NNT: variants seen among roughly 807,000 people sequenced by gnomAD.
NNT encodes the protein NAD(P) transhydrogenase, mitochondrial.
Under a neutral mutation model 104.8 loss-of-function variants are expected in NNT, and 50 were observed. The ratio of observed to expected loss-of-function variants is 0.48; its 90% CI spans 0.38 to 0.60. The LOEUF (loss-of-function observed/expected upper bound fraction) is 0.60. NNT is among the 20% of genes least tolerant of loss of function. NNT has a pLI of 0.00. For missense variants in NNT, 1,131 were observed against 1,330.7 expected, an observed-to-expected ratio of 0.85 and a Z score of 2.33; for synonymous variants, 461 against 490.4, an observed-to-expected ratio of 0.94 and a Z score of 0.79.
chr5:43,608,894 T>A (rs748050826), intron 1 of NNT, among the ~76,000 whole-genome samples: 2 of 152,246 alleles, frequency 1.3e-5, no homozygotes, highest in Non-Finnish European at 2.9e-5. Context: ...GGCTTGGAAT[T>A]GAATAGTGAG....
chr5:43,646,846 T>C (rs967983246), intron 10 of NNT, among the ~76,000 whole-genome samples: 17 of 152,172 alleles, frequency 1.1e-4, no homozygotes, highest in African/African-American at 4.1e-4. Context: ...TAGATCTCTT[T>C]CTTTGTAATT....
intron 18 of NNT, among the ~76,000 whole-genome samples, 175 bp from the exon 19 acceptor site, chr5:43,677,550 C>A (rs1741485052): frequency 6.6e-6 from 1 of 152,090 alleles, no homozygotes; most frequent in Non-Finnish European, 1.5e-5. Context: ...TTTTCAATTT[C>A]AAATTTAGGG....
chr5:43,647,840 A>C, intron 10 of NNT: 1 of 452,944 alleles, frequency 2.2e-6, no homozygotes. Context: ...ACTCCTAGGC[A>C]TTGTGCTAAA....
chr5:43,691,064 T>TGA (rs377384780), intron 19 of NNT, among the ~76,000 whole-genome samples: 1,921 of 144,804 alleles, frequency 0.013, 22 homozygotes, highest in South Asian at 0.034. Context: ...AGAATTTTTT[T>TGA]GAGAGAGTGT....
intron 17 of NNT, among the ~76,000 whole-genome samples, chr5:43,664,005 C>T (rs561004939): frequency 1.3e-5 from 2 of 152,214 alleles, no homozygotes; most frequent in East Asian, 3.9e-4. Flanking sequence ...TTGAAGGAAA[C>T]ACACAAGTCC....
intron 7 of NNT, among the ~76,000 whole-genome samples, chr5:43,638,288 T>C (rs1440138196): frequency 6.6e-6 from 1 of 152,122 alleles, no homozygotes; most frequent in African/African-American, 2.4e-5. Flanking sequence ...CAGCGTGAGA[T>C]CAGACTAATA....
At chr5:43,604,578 C>T (rs1262526752) in intron 1 of NNT, among the ~76,000 whole-genome samples, 2 of 152,134 alleles carry the variant, frequency 1.3e-5, no homozygotes, top group African/African-American at 4.8e-5. Context: ...TACTGACTTC[C>T]TCTGTGTTGT....
rs1194374318 is a variant in NNT at position 43,650,567 on chromosome 5, T to C, written c.1697T>C (p.Ile566Thr). Residue 566 changes from isoleucine to threonine, a missense_variant, in exon 12 of 22, where the codon ATA becomes ACA. Ile to Thr is a moderately conservative substitution (Grantham distance 89). Transcript: ENST00000344920. ...GGCCTTGCTGCTCTTGCTGCATTCA[T>C]ATCCTCTGTCAACATTGCAGGTATG... ...SQGLAALAAFISSVNIAGGFL... is the reference protein window; with the variant it reads ...SQGLAALAAFTSSVNIAGGFL... 5 of 1,613,896 alleles carry C rather than the reference T, an allele frequency of 3.1e-6. No homozygotes were observed. The highest frequency in any genetic ancestry group is 4.2e-6 in the Non-Finnish European group (5 of 1,179,762).
At chr5:43,670,689 G>A (rs1415886234) in intron 17 of NNT, among the ~76,000 whole-genome samples, 1 of 152,166 alleles carries the variant, frequency 6.6e-6, no homozygotes, top group East Asian at 1.9e-4. Flanking sequence ...GCTGAGGAGT[G>A]CTTTACTTGC....
intron 14 of NNT, among the ~76,000 whole-genome samples, chr5:43,654,994 A>G (rs1321920666): frequency 6.6e-6 from 1 of 152,210 alleles, no homozygotes; most frequent in Non-Finnish European, 1.5e-5. Context: ...ACCTATAGCC[A>G]TGCAGTTCCT....
intron 12 of NNT, 150 bp downstream of exon 12, chr5:43,650,737 C>A (rs1322342170): frequency 1.7e-6 from 1 of 579,556 alleles, no homozygotes; most frequent in Non-Finnish European, 3.0e-6. Flanking sequence ...AGTTATTTTG[C>A]CCATCTGTAA....
intron 16 of NNT, 25 bp downstream of exon 16, chr5:43,656,838 A>G (rs769111652): frequency 6.3e-7 from 1 of 1,591,228 alleles, no homozygotes; most frequent in Admixed American, 1.8e-5. Flanking sequence ...ATTGAAAAGT[A>G]CATATTTGGT....
At position 43,624,228 on chromosome 5, in the gene NNT, T is replaced by TATA. The variant is rs560392930; in HGVS notation, c.776+110_776+112dup. The TATA allele has an allele frequency of 3.1e-4, 272 of 887,038 alleles. 3 individuals are homozygous for TATA. In the Admixed American group the frequency reaches 4.7e-3, roughly 15 times the overall value. 54.9% of individuals were successfully genotyped at this position (887,038 alleles called of 1,614,324 possible). On this transcript the variant is annotated intron_variant, in intron 6 of 21. Coordinates refer to ENST00000344920, the MANE Select transcript of NNT (RefSeq NM_182977.3). ...TTGAAGTAGCACATTGCAACTGGTC[T>TATA]ATAAGCTCTTTCCATTTAAAAATGT... is the stretch of plus-strand genomic sequence containing the variant.
At chr5:43,633,898 C>T (rs1750808725) in intron 7 of NNT, among the ~76,000 whole-genome samples, 1 of 147,048 alleles carries the variant, frequency 6.8e-6, no homozygotes, top group Non-Finnish European at 1.5e-5. Context: ...GCCCAGTCTG[C>T]AGTTTGAGGT....
Position 43,677,731 on chromosome 5 carries a change from G to A in NNT, c.2801G>A (p.Gly934Asp). 2 of 1,613,312 alleles carry A rather than the reference G, an allele frequency of 1.2e-6. No individual in the cohort carries two copies. Among genetic ancestry groups the A allele is most frequent in the Non-Finnish European group, 1.7e-6 (2 of 1,179,418 alleles). ...ANSIIITPGY[G>D]LCAAKAQYPI... ...TTCTTAATGTTCCTTGCAGGCTATG[G>A]TCTCTGTGCAGCCAAAGCTCAATAC... Residue 934 changes from glycine (G) to aspartate (D), a missense_variant, in exon 19 of 22, where the codon GGT (glycine) becomes GAT (aspartate). Gly to Asp is a moderately conservative substitution (Grantham distance 94, BLOSUM62 -1). Transcript: ENST00000344920.
Position 43,619,112 on chromosome 5 carries a change from C to T in NNT, c.680C>T (p.Pro227Leu), listed in dbSNP as rs1749936768. 1 of 1,537,340 alleles carries T rather than the reference C, an allele frequency of 6.5e-7. No homozygotes were observed. The highest frequency in any genetic ancestry group is 8.8e-7 in the Non-Finnish European group (1 of 1,139,570). ...GQITAAGKVPPAKILIVGGGV... is the reference protein window; with the variant it reads ...GQITAAGKVPLAKILIVGGGV... ...ATCACAGCTGCTGGAAAAGTTCCTC[C>T]AGCTAAGGTAGGTACAACTTTTAAT... Residue 227 changes from proline to leucine, a missense_variant, in exon 5 of 22, where the codon CCA (proline) becomes CTA (leucine). Pro to Leu is a moderately conservative substitution (Grantham distance 98). Transcript: ENST00000344920.
At chr5:43,651,271 A>T (rs1739743839) in intron 12 of NNT, among the ~76,000 whole-genome samples, 1 of 152,172 alleles carries the variant, frequency 6.6e-6, no homozygotes, top group Non-Finnish European at 1.5e-5. Flanking sequence ...AACTGGCTTG[A>T]GTAATAGAAT....
Position 43,635,366 on chromosome 5 carries a change from T to G in NNT, c.964+6979T>G, listed in dbSNP as rs572770584. On this transcript the variant is annotated intron_variant, in intron 7 of 21. Transcript: ENST00000344920. ...GGACTGTCTCTATTTAAGCCAGCTA[T>G]AGGGAAAGTGGGATGGAGGAGTGTG... Among the ~76,000 whole-genome samples the G allele has an allele frequency of 2.6e-5, 4 of 152,222 alleles. No individual in the cohort carries two copies. The East Asian group carries it at 7.7e-4, about 29-fold the overall frequency.
chr5:43,636,218 A>G (rs1220007863), intron 7 of NNT, among the ~76,000 whole-genome samples: 1 of 152,164 alleles, frequency 6.6e-6, no homozygotes, highest in African/African-American at 2.4e-5. Context: ...ACATTATTGT[A>G]ATTCTTTCTT....
Sources: gnomAD v4.1 joint callset for allele counts (sites outside exome capture counted in the v4.1 genomes callset) on GRCh38, gnomAD v4.1.1 for gene constraint, MANE v1.5 for transcripts, NCBI Gene and HGNC (gene_info 2026-07-23, HGNC 2026-07-21) for gene names.